The following LRP8 variants were observed in gnomAD, a reference collection of about 807,000 sequenced individuals.
LRP8 encodes the protein low-density lipoprotein receptor-related protein 8.
LRP8 carries 46 observed loss-of-function variants against 111.6 expected under a neutral mutation model. The ratio of observed to expected loss-of-function variants is 0.41; its 90% CI spans 0.33 to 0.53. The LOEUF (loss-of-function observed/expected upper bound fraction) is 0.53, where lower values mean the gene tolerates loss of function less well. Among genes scored for constraint, LRP8 ranks in the 20% least tolerant of loss-of-function variants. The pLI is 0.20. For missense variants in LRP8, 959 were observed against 1,297.4 expected (o/e 0.74, Z 4.01); for synonymous variants, 464 against 511.2 (o/e 0.91, Z 1.24).
chr1:53,288,938 G>C (rs374977261), intron 3 of LRP8, among the ~76,000 whole-genome samples: 7 of 152,046 alleles, frequency 4.6e-5, no homozygotes, highest in African/African-American at 1.4e-4. Context: ...CAGGCCTGGG[G>C]CTCAGCTCTG....
intron 15 of LRP8, 91 bp from the exon 16 acceptor site, chr1:53,255,276 G>C (rs1646042070): frequency 9.8e-7 from 1 of 1,017,948 alleles, no homozygotes; most frequent in Admixed American, 1.9e-5. Context: ...CCCAACTGCT[G>C]CTCATCCTCA....
Position 53,260,582 on chromosome 1 carries a change from C to T in LRP8, c.1938G>A (p.Leu646=). ...VFEDKVFWTD[L]ENEAIFSANR... is the part of the protein sequence containing the mutation. ...TTGCACTGAAAATGGCCTCGTTCTC[C>T]AGGTCTGTCCAGAACACCTTGTCCT... Residue 646 remains leucine, a synonymous_variant, in exon 13 of 19, where the codon CTG becomes CTA. Transcript: ENST00000306052. 1 of 1,614,214 alleles carries T rather than the reference C, an allele frequency of 6.2e-7. No individual in the cohort carries two copies. Among genetic ancestry groups the T allele is most frequent in the Middle Eastern group, 1.6e-4 (1 of 6,062 alleles).
At chr1:53,327,043 C>G in intron 1 of LRP8, 51 bp from the exon 2 acceptor site, 2 of 1,600,540 alleles carry the variant, frequency 1.2e-6, no homozygotes, top group Non-Finnish European at 8.5e-7. Context: ...GCCCCACTCC[C>G]CACCATGCAG....
At chr1:53,309,360 T>C (rs1002981321) in intron 2 of LRP8, among the ~76,000 whole-genome samples, 3 of 152,182 alleles carry the variant, frequency 2.0e-5, no homozygotes, top group Non-Finnish European at 2.9e-5. Flanking sequence ...TCATTGATGA[T>C]AGTGCGTGGG....
chr1:53,309,722 C>T (rs1016925308), intron 2 of LRP8, among the ~76,000 whole-genome samples: 2 of 152,140 alleles, frequency 1.3e-5, no homozygotes, highest in Admixed American at 1.3e-4. Context: ...TGTCAGGCTC[C>T]GGGGATGAGA....
At position 53,327,880 on chromosome 1, in the gene LRP8, A is replaced by G. The variant is rs1051783128; in HGVS notation, c.33T>C (p.Leu11=). 5 of 1,499,184 alleles carry G rather than the reference A, an allele frequency of 3.3e-6. No homozygotes were observed. In the African/African-American group the frequency reaches 4.3e-5, roughly 13 times the overall value. The allele number at this position is 1,499,184 out of a possible 1,614,324, so 92.9% of individuals were successfully genotyped here. A position where few individuals can be genotyped will look rare whatever the true frequency, so the allele number is the denominator to read the frequency against. Residue 11 remains leucine (L), a synonymous_variant, in exon 1 of 19, where the codon CTT becomes CTC. Coordinates refer to ENST00000306052, the MANE Select transcript of LRP8 (RefSeq NM_004631.5). MGLPEPGPLR[L]LALLLLLLLL... ...GCAGCAGCAGCAGCAGCAGCGCCAGAAGCCGGAGAGGGCCCGGCTCGGGGA... is the reference window on the plus strand; with the variant it reads ...GCAGCAGCAGCAGCAGCAGCGCCAGGAGCCGGAGAGGGCCCGGCTCGGGGA...
intron 13 of LRP8, among the ~76,000 whole-genome samples, chr1:53,259,770 G>A (rs1007406628): frequency 2.0e-5 from 3 of 152,054 alleles, no homozygotes; most frequent in Non-Finnish European, 4.4e-5. Context: ...AATTGAGGTC[G>A]GCTGGGCTCC....
chr1:53,273,860 G>A (rs1161477851), intron 6 of LRP8, among the ~76,000 whole-genome samples: 1 of 152,176 alleles, frequency 6.6e-6, no homozygotes, highest in Admixed American at 6.5e-5. Context: ...GGTAGGTGCT[G>A]GGGAAACAGT....
intron 2 of LRP8, among the ~76,000 whole-genome samples, chr1:53,309,869 T>TCC (rs1652677005): frequency 6.6e-6 from 1 of 152,050 alleles, no homozygotes; most frequent in African/African-American, 2.4e-5. Flanking sequence ...TCGCCGTTAT[T>TCC]CATATGAATG....
Position 53,317,967 on chromosome 1 carries a change from T to C in LRP8, c.244+8906A>G, listed in dbSNP as rs1654025785. Among the ~76,000 whole-genome samples, 1 of 152,088 alleles carries C rather than the reference T, an allele frequency of 6.6e-6. No homozygotes were observed. Among genetic ancestry groups the C allele is most frequent in the South Asian group, 2.1e-4 (1 of 4,820 alleles). ...CTATACTCCCCGCACTGTCACCAGG[T>C]AGTAAGGCACAGATCCCTGCCCTAG... On this transcript the variant is annotated intron_variant, in intron 2 of 18. Coordinates refer to ENST00000306052, the MANE Select transcript of LRP8 (RefSeq NM_004631.5). The surrounding 1 kb of genome is among the most constrained non-coding windows in gnomAD (Gnocchi z 4.9).
Position 53,276,706 on chromosome 1 carries a change from T to TCCGATTTGTCTTTGCAGTCGCGGTCGC in LRP8, c.842_868dup (p.Gly281_Ser289dup). The TCCGATTTGTCTTTGCAGTCGCGGTCGC allele has an allele frequency of 6.5e-7, 1 of 1,538,534 alleles. No homozygotes were observed. Among genetic ancestry groups the TCCGATTTGTCTTTGCAGTCGCGGTCGC allele is most frequent in the East Asian group, 2.5e-5 (1 of 39,554 alleles). On this transcript the variant is annotated inframe_insertion, in exon 5 of 19. Coordinates refer to ENST00000306052, the MANE Select transcript of LRP8 (RefSeq NM_004631.5). The stretch of plus-strand genomic sequence containing the variant: ...AGGGGGCTTACGGCAGTCGGCCTCG[T>TCCGATTTGTCTTTGCAGTCGCGGTCGC]CCGATTTGTCTTTGCAGTCGCGGTC...
Position 53,317,823 on chromosome 1 carries a change from G to C in LRP8, c.244+9050C>G, listed in dbSNP as rs1165753944. ...GCATCCGGCCCAATTGTGAGTGCAG[G>C]AAGAAGGCAGAAGGGAAAGTCACCC... On this transcript the variant is annotated intron_variant, in intron 2 of 18. Coordinates refer to ENST00000306052, the MANE Select transcript of LRP8 (RefSeq NM_004631.5). This position sits in a 1 kb window ranked among gnomAD's most constrained non-coding sequence, Gnocchi z 4.9. Among the ~76,000 whole-genome samples, 1 of 152,350 alleles carries C rather than the reference G, an allele frequency of 6.6e-6. No homozygotes were observed. The highest frequency in any genetic ancestry group is 1.9e-4 in the East Asian group (1 of 5,184).
chr1:53,265,442 C>T (rs550241429), intron 9 of LRP8, among the ~76,000 whole-genome samples: 1 of 152,264 alleles, frequency 6.6e-6, no homozygotes, highest in South Asian at 2.1e-4. Flanking sequence ...TGATCCTCCT[C>T]TACTGCTTCA....
At chr1:53,269,435 C>T in intron 8 of LRP8, among the ~76,000 whole-genome samples, 1 of 152,088 alleles carries the variant, frequency 6.6e-6, no homozygotes, top group East Asian at 1.9e-4. Flanking sequence ...GCCTCAGTCT[C>T]CTGAGTAGCT....
At chr1:53,280,196 C>T (rs868179870) in intron 4 of LRP8, among the ~76,000 whole-genome samples, 2 of 152,194 alleles carry the variant, frequency 1.3e-5, no homozygotes, top group Non-Finnish European at 2.9e-5. Flanking sequence ...CCTCCCTGGT[C>T]CCCCTGCCCT....
At chr1:53,313,815 A>G (rs796973307) in intron 2 of LRP8, among the ~76,000 whole-genome samples, 5 of 152,120 alleles carry the variant, frequency 3.3e-5, no homozygotes, top group African/African-American at 1.2e-4. Flanking sequence ...TGGTCCTATG[A>G]GGGGTGGGCG....
intron 15 of LRP8, 99 bp downstream of exon 15, chr1:53,257,141 T>C: frequency 2.9e-6 from 3 of 1,049,342 alleles, no homozygotes; most frequent in Non-Finnish European, 4.3e-6. Flanking sequence ...AGATATGCAG[T>C]ATTCAGCTCT....
intron 9 of LRP8, among the ~76,000 whole-genome samples, chr1:53,264,607 G>A (rs947362289): frequency 1.4e-4 from 22 of 152,198 alleles, no homozygotes; most frequent in African/African-American, 5.3e-4. Flanking sequence ...CTAAGGTGGG[G>A]CTGCTCCACA....
chr1:53,267,313 A>T (rs566062497), intron 8 of LRP8: 2 of 142,186 alleles, frequency 1.4e-5, no homozygotes, highest in African/African-American at 2.5e-5. Context: ...AAATAAAAAT[A>T]AAAAAAAAAT....
Sources: gnomAD v4.1 joint callset for allele counts (sites outside exome capture counted in the v4.1 genomes callset) on GRCh38, gnomAD v4.1.1 for gene constraint, Gnocchi (gnomAD v3.1) non-coding constraint, MANE v1.5 for transcripts, NCBI Gene and HGNC (gene_info 2026-07-23, HGNC 2026-07-21) for gene names.